Variants in INTS7 observed in about 807,000 individuals in gnomAD.
The protein encoded by INTS7 is chromosome 1 open reading frame 73.
Under a neutral mutation model 109.2 loss-of-function variants are expected in INTS7, and 46 were observed. The ratio of observed to expected loss-of-function variants is 0.42; its 90% confidence interval spans 0.33 to 0.54. INTS7 has a LOEUF of 0.54. Among genes scored for constraint, INTS7 ranks in the 20% least tolerant of loss-of-function variants. The probability of loss-of-function intolerance (pLI) is 0.07; values close to 1 mark genes in which losing one functional copy is unlikely to be tolerated. For synonymous variants in INTS7, 412 were observed against 402.9 expected, an observed-to-expected ratio of 1.02 and a Z score of -0.27; for missense variants, 929 against 1,132.4, an observed-to-expected ratio of 0.82 and a Z score of 2.58.
In INTS7 at chr1:211,975,037, GGTTT is replaced by G. The variant is rs1032458958; in HGVS notation, c.1815+125_1815+128del. 26 of 654,392 alleles carry G rather than the reference GGTTT, an allele frequency of 4.0e-5. No homozygotes were observed. The South Asian group carries it at 4.5e-4, about 11-fold the overall frequency. The allele number at this position is 654,392 out of a possible 1,614,324, so 40.5% of individuals were successfully genotyped here. ...ATGTTAAAAAGGGGAAAAGGTTAAG[GGTTT>G]ATTTCCATGACCTATTTCATATCAG... On this transcript the variant is annotated intron_variant, in intron 13 of 19. Coordinates refer to ENST00000366994, the MANE Select transcript of INTS7 (RefSeq NM_015434.4).
chr1:212,033,632 C>T (rs1280889239), intron 1 of INTS7, among the ~76,000 whole-genome samples: 2 of 152,220 alleles, frequency 1.3e-5, no homozygotes, highest in African/African-American at 2.4e-5. Flanking sequence ...TGTTCCACAA[C>T]CACTATCCTA....
chr1:211,999,499 T>C (rs980645762), intron 7 of INTS7, among the ~76,000 whole-genome samples: 2 of 152,180 alleles, frequency 1.3e-5, no homozygotes, highest in African/African-American at 4.8e-5. Flanking sequence ...CTGGGGGTAA[T>C]GAAAATGTTC....
intron 14 of INTS7, among the ~76,000 whole-genome samples, 153 bp from the exon 15 acceptor site, chr1:211,968,134 T>C (rs918665375): frequency 5.9e-5 from 9 of 152,208 alleles, no homozygotes; most frequent in African/African-American, 2.2e-4. Context: ...TTTCATAAAC[T>C]TTGTTAAATA....
rs1664971810 is a variant in INTS7, at chr1:211,988,018, A to C, written c.880-15T>G. On this transcript the variant is annotated splice_polypyrimidine_tract_variant and intron_variant, in intron 7 of 19. Coordinates refer to ENST00000366994, the MANE Select transcript of INTS7 (RefSeq NM_015434.4). ...TCACAAAGTGCCTGGAATGCAGAAG[A>C]GAAATGAATATAGAAGTTAAAACAT... The C allele has an allele frequency of 7.8e-7, 1 of 1,279,294 alleles. No individual in the cohort carries two copies. Among genetic ancestry groups the C allele is most frequent in the South Asian group, 1.2e-5 (1 of 81,836 alleles). 79.2% of individuals were successfully genotyped at this position (1,279,294 alleles called of 1,614,324 possible).
At chr1:211,976,556 A>C (rs760175845) in intron 12 of INTS7, 26 bp downstream of exon 12, 2 of 1,594,184 alleles carry the variant, frequency 1.3e-6, no homozygotes, top group Non-Finnish European at 1.7e-6. Context: ...CCAGCAACCC[A>C]GTTCACTCAG....
chr1:212,012,612 T>C (rs1041159564), intron 4 of INTS7, among the ~76,000 whole-genome samples: 1 of 152,144 alleles, frequency 6.6e-6, no homozygotes, highest in African/African-American at 2.4e-5. Flanking sequence ...CAGAGATTCA[T>C]TTGGTATTTT....
chr1:212,015,340 G>A (rs1666375498), intron 4 of INTS7, among the ~76,000 whole-genome samples: 1 of 152,156 alleles, frequency 6.6e-6, no homozygotes, highest in Admixed American at 6.5e-5. Context: ...AGACATAGGA[G>A]ACTCCATTTT....
chr1:211,975,311 T>C lies in INTS7; in HGVS notation c.1670A>G (p.His557Arg). Residue 557 changes from histidine (H) to arginine (R), a missense_variant, in exon 13 of 20, where the codon CAT becomes CGT. By Grantham distance (29) the His-to-Arg change is conservative. This residue lies in a region of INTS7 where 787 missense variants were observed against 901.1 expected (regional missense o/e 0.87). Coordinates refer to ENST00000366994, the MANE Select transcript of INTS7 (RefSeq NM_015434.4). The stretch of plus-strand genomic sequence containing the variant: ...CAAACTATTTAGCCAGAAGTAGAAA[T>C]GTTCTGAGGCAACCTGAGTCAGCAA... ...QSLLTQVASE[H>R]FYFWLNSLKE... 6.2e-7 allele frequency: 1 copy of C among 1,614,118 alleles called. No individual in the cohort carries two copies. Among genetic ancestry groups the C allele is most frequent in the Non-Finnish European group, 8.5e-7 (1 of 1,179,976 alleles).
At chr1:211,997,251 A>G (rs1010955773) in intron 7 of INTS7, among the ~76,000 whole-genome samples, 4 of 152,240 alleles carry the variant, frequency 2.6e-5, no homozygotes, top group African/African-American at 7.2e-5. Context: ...GCTGAAAAAA[A>G]AGAGAGAGAT....
chr1:211,959,087 C>T lies in INTS7; in HGVS notation c.2184-6386G>A, dbSNP rs915961494. On this transcript the variant is annotated intron_variant, in intron 16 of 19. Coordinates refer to ENST00000366994, the MANE Select transcript of INTS7 (RefSeq NM_015434.4). The surrounding 1 kb of genome is among the most constrained non-coding windows in gnomAD (Gnocchi z 4.2). ...TCTGGAATCCTGGCAGGAGATTCCT[C>T]GACCACTATGGACACTTGAGTTGGC... 6.6e-6 allele frequency among the ~76,000 whole-genome samples: 1 copy of T among 152,170 alleles called. No individual in the cohort carries two copies. Among genetic ancestry groups the T allele is most frequent in the African/African-American group, 2.4e-5 (1 of 41,440 alleles).
At chr1:212,022,577 C>G in intron 1 of INTS7, among the ~76,000 whole-genome samples, 1 of 152,296 alleles carries the variant, frequency 6.6e-6, no homozygotes, top group Middle Eastern at 3.4e-3. Flanking sequence ...CAATTTAAAA[C>G]TCCACTAAGA....
chr1:211,946,027 C>G lies in INTS7; in HGVS notation c.2415+580G>C, dbSNP rs1662831947. Among the ~76,000 whole-genome samples the G allele has an allele frequency of 6.6e-6, 1 of 152,168 alleles. No individual in the cohort carries two copies. Among genetic ancestry groups the G allele is most frequent in the Non-Finnish European group, 1.5e-5 (1 of 68,034 alleles). ...ACTGTGATAAATCACTAATTTATTC[C>G]TGGAGGTGAGAGACAAACAACAGAG... On this transcript the variant is annotated intron_variant, in intron 18 of 19. Transcript: ENST00000366994. This position sits in a 1 kb window ranked among gnomAD's most constrained non-coding sequence, Gnocchi z 4.3.
intron 4 of INTS7, among the ~76,000 whole-genome samples, chr1:212,014,774 A>G (rs1029435158): frequency 2.6e-5 from 4 of 152,112 alleles, no homozygotes; most frequent in African/African-American, 9.7e-5. Flanking sequence ...CCAGCTCCTG[A>G]CCGCGAGTGA....
intron 16 of INTS7, among the ~76,000 whole-genome samples, chr1:211,963,723 T>A (rs1434518752): frequency 6.6e-6 from 1 of 152,036 alleles, no homozygotes; most frequent in Non-Finnish European, 1.5e-5. Context: ...TAAATGGAAC[T>A]AAAGCCAAAA....
At chr1:211,957,138 ATT>A (rs1663401819) in intron 16 of INTS7, among the ~76,000 whole-genome samples, 8 of 152,170 alleles carry the variant, frequency 5.3e-5, no homozygotes, top group Non-Finnish European at 8.8e-5. Flanking sequence ...GTAGTATCTC[ATT>A]GTGATTTTAA....
intron 1 of INTS7, among the ~76,000 whole-genome samples, chr1:212,025,198 A>C (rs1666864374): frequency 6.6e-6 from 1 of 152,222 alleles, no homozygotes; most frequent in African/African-American, 2.4e-5. Flanking sequence ...TCTCAAAATC[A>C]TTATGCTGAG....
At chr1:211,996,123 T>A (rs924287303) in intron 7 of INTS7, among the ~76,000 whole-genome samples, 7 of 152,172 alleles carry the variant, frequency 4.6e-5, no homozygotes, top group Admixed American at 3.3e-4. Context: ...ACAGAGCTTA[T>A]AGAAAATATG....
At chr1:211,983,632 T>A (rs1664760554) in intron 8 of INTS7, among the ~76,000 whole-genome samples, 1 of 152,170 alleles carries the variant, frequency 6.6e-6, no homozygotes. Flanking sequence ...TTTCCTCTGC[T>A]TATTTTTCCA....
Position 211,966,417 on chromosome 1 carries a change from A to G in INTS7, c.2183+13T>C, listed in dbSNP as rs1324504072. The G allele has an allele frequency of 6.9e-7, 1 of 1,440,506 alleles. No individual in the cohort carries two copies. Among genetic ancestry groups the G allele is most frequent in the Non-Finnish European group, 9.8e-7 (1 of 1,023,910 alleles). 89.2% of individuals were successfully genotyped at this position (1,440,506 alleles called of 1,614,324 possible). ...TGTTCTGTAACGCCAACTATTATTA[A>G]TATTAGAATTACCTTGCTGATTCTG... is the stretch of plus-strand genomic sequence containing the variant. On this transcript the variant is annotated intron_variant, in intron 16 of 19. Coordinates refer to ENST00000366994, the MANE Select transcript of INTS7 (RefSeq NM_015434.4).
Sources: gnomAD v4.1 joint callset for allele counts (sites outside exome capture counted in the v4.1 genomes callset) on GRCh38, gnomAD v4.1.1 for gene constraint, gnomAD v4.1.1 regional missense constraint, Gnocchi (gnomAD v3.1) non-coding constraint, MANE v1.5 for transcripts, NCBI Gene and HGNC (gene_info 2026-07-23, HGNC 2026-07-21) for gene names.